GYS2: variants seen among roughly 807,000 people sequenced by gnomAD.
The protein encoded by GYS2 is glycogen [starch] synthase, liver.
Under a neutral mutation model 85.6 loss-of-function variants are expected in GYS2, and 80 were observed. That is an observed-to-expected ratio of 0.93 (90% CI 0.78 to 1.13). The LOEUF is 1.13. GYS2 is among the 50% of genes most tolerant of loss of function. GYS2 has a pLI of 0.00. For synonymous variants in GYS2, 328 were observed against 300.7 expected (o/e 1.09, Z -0.94); for missense variants, 881 against 854.9 (o/e 1.03, Z -0.38).
intron 10 of GYS2, 41 bp downstream of exon 10, chr12:21,559,050 T>C: frequency 1.8e-6 from 2 of 1,131,040 alleles, no homozygotes; most frequent in Non-Finnish European, 2.7e-6. Context: ...AGATAGAATT[T>C]AATAACTATG....
chr12:21,571,114 T>G (rs1179085985), intron 4 of GYS2, among the ~76,000 whole-genome samples: 1 of 152,158 alleles, frequency 6.6e-6, no homozygotes, highest in East Asian at 1.9e-4. Flanking sequence ...GCAGGCTGAG[T>G]ATGCACAAAT....
At chr12:21,579,839 TTTAAC>T (rs1449195372) in intron 2 of GYS2, among the ~76,000 whole-genome samples, 1 of 152,196 alleles carries the variant, frequency 6.6e-6, no homozygotes, top group Non-Finnish European at 1.5e-5. Context: ...TCTCAAAATC[TTTAAC>T]TTAATCACAT....
chr12:21,568,962 G>A lies in GYS2; in HGVS notation c.726C>T (p.Tyr242=). ...AATGAACGGAAGCTCGCTCCATGCA[G>A]TACCGGTGGTAAATCTGCCTTTCCC... ...EAGERQIYHR[Y]CMERASVHCA... The change falls in exon 5 of 16, where the codon TAC becomes TAT. Residue 242 remains tyrosine (Y), a synonymous_variant. Transcript: ENST00000261195. 2 of 1,613,762 alleles carry A rather than the reference G, an allele frequency of 1.2e-6. No homozygotes were observed. The highest frequency in any genetic ancestry group is 1.7e-6 in the Non-Finnish European group (2 of 1,179,646).
chr12:21,582,594 GATAGATATAGATATAGAT>G (rs71053324), intron 1 of GYS2, among the ~76,000 whole-genome samples: 70 of 148,928 alleles, frequency 4.7e-4, no homozygotes, highest in South Asian at 8.7e-4. Context: ...TAGATATAGA[GATAGATATAGATATAGAT>G]ATAGATATAG....
In GYS2 at chr12:21,562,917, C is replaced by T; in HGVS notation, c.1062+1G>A. The T allele has an allele frequency of 6.2e-7, 1 of 1,612,054 alleles. No individual in the cohort carries two copies. The highest frequency in any genetic ancestry group is 1.1e-5 in the South Asian group (1 of 91,036). Reference sequence around the variant, plus strand: ...TATACCATGTCCTAGAGCTTTCTTACCCTCAGCAGGAAATTTAGCCTGGAT... The same window carrying T: ...TATACCATGTCCTAGAGCTTTCTTATCCTCAGCAGGAAATTTAGCCTGGAT... On this transcript the variant is annotated splice_donor_variant, in intron 7 of 15. Transcript: ENST00000261195. LOFTEE classifies it high-confidence loss of function.
At chr12:21,583,445 G>A (rs1031836894) in intron 1 of GYS2, among the ~76,000 whole-genome samples, 3 of 152,198 alleles carry the variant, frequency 2.0e-5, no homozygotes, top group Non-Finnish European at 4.4e-5. Flanking sequence ...TGATCCAAAA[G>A]GCTGCCAGTT....
At chr12:21,532,791 A>C (rs1170436176), downstream of GYS2, 1 of 152,222 alleles carries the variant, frequency 6.6e-6, no homozygotes, top group Non-Finnish European at 1.5e-5. Flanking sequence ...ACAACTAACC[A>C]GAACAATCTC....
intron 2 of GYS2, among the ~76,000 whole-genome samples, chr12:21,579,526 ATTTTTG>A (rs1944484815): frequency 6.6e-6 from 1 of 151,744 alleles, no homozygotes; most frequent in Non-Finnish European, 1.5e-5. Context: ...CACCTGGCTA[ATTTTTG>A]TATATCTAGT....
chr12:21,547,597 G>T (rs747958780), intron 11 of GYS2, among the ~76,000 whole-genome samples: 2 of 152,204 alleles, frequency 1.3e-5, no homozygotes, highest in Non-Finnish European at 2.9e-5. Context: ...GAAAAGATCT[G>T]TGGTTTCCAG....
At chr12:21,542,938 A>G (rs953379902) in intron 12 of GYS2, among the ~76,000 whole-genome samples, 2 of 152,168 alleles carry the variant, frequency 1.3e-5, no homozygotes, top group African/African-American at 2.4e-5. Flanking sequence ...TGCAGCTTCA[A>G]TCCCAGCTGG....
chr12:21,571,584 A>G (rs779046855), intron 4 of GYS2, among the ~76,000 whole-genome samples: 1 of 152,168 alleles, frequency 6.6e-6, no homozygotes, highest in Non-Finnish European at 1.5e-5. Context: ...AAATCCACCA[A>G]ATAATTGTCC....
rs886049157 is a variant in GYS2, at chr12:21,559,714, T to C, written c.1170-4A>G. On this transcript the variant is annotated splice_region_variant and splice_polypyrimidine_tract_variant and intron_variant, in intron 8 of 15. Transcript: ENST00000261195. ...CTTCACAGAATGTGCAACATCCCTG[T>C]TTGAAACAGAAAGATTTATCATTTA... 1.3e-6 allele frequency: 2 copies of C among 1,560,028 alleles called. No individual in the cohort carries two copies. The highest frequency in any genetic ancestry group is 1.8e-6 in the Non-Finnish European group (2 of 1,130,934).
chr12:21,547,380 A>G (rs753291032), intron 11 of GYS2, among the ~76,000 whole-genome samples: 10 of 152,334 alleles, frequency 6.6e-5, no homozygotes, highest in Admixed American at 1.3e-4. Context: ...GATGTCCTTC[A>G]GTAGGTGAAT....
intron 11 of GYS2, among the ~76,000 whole-genome samples, chr12:21,551,193 A>T (rs181122325): frequency 0.024 from 2,904 of 120,030 alleles, 43 homozygotes; most frequent in Non-Finnish European, 0.033. Context: ...CCAGAGTGTG[A>T]TGTTCCCCTT....
chr12:21,546,238 A>C, intron 12 of GYS2, 106 bp downstream of exon 12: 1 of 854,980 alleles, frequency 1.2e-6, no homozygotes, highest in East Asian at 2.9e-5. Flanking sequence ...TGAAGAATTG[A>C]AATCTTATTA....
intron 13 of GYS2, among the ~76,000 whole-genome samples, 194 bp from the exon 14 acceptor site, chr12:21,540,767 A>G (rs1943963527): frequency 6.6e-6 from 1 of 151,980 alleles, no homozygotes; most frequent in African/African-American, 2.4e-5. Flanking sequence ...TCACTGACAC[A>G]CAGCCAACGA....
rs536916154 is a variant in GYS2 at position 21,537,768 on chromosome 12, C to T, written c.1891-593G>A. On this transcript the variant is annotated intron_variant, in intron 15 of 15. Coordinates refer to ENST00000261195, the MANE Select transcript of GYS2 (RefSeq NM_021957.4). ...CAGTTAATGAGAAAATATCACTAGA[C>T]TTTAATTAATTTGCCCTTCTACTTG... 7.0e-4 allele frequency among the ~76,000 whole-genome samples: 106 copies of T among 152,212 alleles called. 2 individuals are homozygous for T. In the South Asian group the frequency reaches 0.021, roughly 30 times the overall value.
intron 1 of GYS2, 123 bp downstream of exon 1, chr12:21,604,349 T>A: frequency 1.3e-6 from 1 of 760,750 alleles, no homozygotes; most frequent in Non-Finnish European, 2.4e-6. Flanking sequence ...TATATTCCGT[T>A]TAAATGCTTT....
At chr12:21,558,035 A>G (rs1276318815) in intron 11 of GYS2, among the ~76,000 whole-genome samples, 165 bp downstream of exon 11, 1 of 152,232 alleles carries the variant, frequency 6.6e-6, no homozygotes. Flanking sequence ...ATACCAAAAT[A>G]TTCATTATAC....
Sources: allele counts gnomAD v4.1 joint callset (sites outside exome capture counted in the v4.1 genomes callset), GRCh38; gene constraint gnomAD v4.1.1; transcripts MANE v1.5; gene names NCBI Gene and HGNC (gene_info 2026-07-23, HGNC 2026-07-21).